UNC79: variants seen among roughly 807,000 people sequenced by gnomAD.
The protein encoded by UNC79 is protein unc-79 homolog.
A neutral mutation model predicts 283.1 loss-of-function variants in UNC79; 37 were observed. That is an observed-to-expected ratio of 0.13 (90% CI 0.10 to 0.17). The LOEUF (loss-of-function observed/expected upper bound fraction) is 0.17, where lower values mean the gene tolerates loss of function less well. Ranked by LOEUF, UNC79 falls within the 10% of genes least tolerant of loss-of-function variation. UNC79 has a pLI of 1.00. For synonymous variants in UNC79, 1,107 were observed against 1,200.2 expected (o/e 0.92, Z 1.61); for missense variants, 2,272 against 3,211.1 (o/e 0.71, Z 7.07).
Position 93,580,119 on chromosome 14 carries a change from T to G in UNC79, c.2434-30T>G. Reference sequence around the variant, plus strand: ...TTCTTCTTTTTTTTTTGTGTGTGTGTGCGTGTGTCCTTTTTTTGATGTCTT... The same window carrying G: ...TTCTTCTTTTTTTTTTGTGTGTGTGGGCGTGTGTCCTTTTTTTGATGTCTT... On this transcript the variant is annotated intron_variant, in intron 18 of 48. Transcript: ENST00000555664. 4 of 1,573,516 alleles carry G rather than the reference T, an allele frequency of 2.5e-6. No individual in the cohort carries two copies. The South Asian group carries it at 4.6e-5, about 18-fold the overall frequency.
In UNC79 at chr14:93,517,919, C is replaced by G. The variant is rs200131800; in HGVS notation, c.899-6059C>G. Among the ~76,000 whole-genome samples the G allele has an allele frequency of 6.1e-4, 90 of 147,688 alleles. No homozygotes were observed. In the East Asian group the frequency reaches 0.013, roughly 22 times the overall value. On this transcript the variant is annotated intron_variant, in intron 7 of 48. Transcript: ENST00000555664. ...TATGTGAGTGTGTGTGTGTGTGTGTCTGTGTGTGTGTGTGTGTGTGTGAAA... is the reference window on the plus strand; with the variant it reads ...TATGTGAGTGTGTGTGTGTGTGTGTGTGTGTGTGTGTGTGTGTGTGTGAAA...
intron 1 of UNC79, among the ~76,000 whole-genome samples, chr14:93,458,873 T>C (rs1460538326): frequency 6.6e-6 from 1 of 152,236 alleles, no homozygotes; most frequent in Non-Finnish European, 1.5e-5. Flanking sequence ...AAACTAGATT[T>C]GCACACATGA....
At chr14:93,550,746 A>C (rs1396873310) in intron 14 of UNC79, among the ~76,000 whole-genome samples, 6 of 152,114 alleles carry the variant, frequency 3.9e-5, no homozygotes, top group Non-Finnish European at 8.8e-5. Context: ...TACTTGTTTC[A>C]CAAAACCCAT....
chr14:93,404,493 A>AAAAAAAATATATATATATATATATATAT, intron 1 of UNC79, among the ~76,000 whole-genome samples: 37 of 61,466 alleles, frequency 6.0e-4, no homozygotes, highest in African/African-American at 1.0e-3. Context: ...TTCTAAAAAA[A>AAAAAAAATATATATATATATATATATAT]ATATATATAT....
intron 5 of UNC79, among the ~76,000 whole-genome samples, chr14:93,492,310 A>T (rs2058765699): frequency 6.6e-6 from 1 of 151,124 alleles, no homozygotes; most frequent in South Asian, 2.1e-4. Context: ...ATCAGAAAAG[A>T]TTTTGCGTCA....
chr14:93,389,823 G>C (rs1286385014), intron 1 of UNC79, among the ~76,000 whole-genome samples: 1 of 151,992 alleles, frequency 6.6e-6, no homozygotes, highest in Non-Finnish European at 1.5e-5. Flanking sequence ...GGCTAATTTT[G>C]TGTATTTTTA....
intron 14 of UNC79, among the ~76,000 whole-genome samples, chr14:93,562,885 A>C (rs2062647566): frequency 6.6e-6 from 1 of 152,166 alleles, no homozygotes. Context: ...AGTCCTGGGC[A>C]GGGGCAAATC....
intron 1 of UNC79, among the ~76,000 whole-genome samples, chr14:93,448,033 A>G (rs972294591): frequency 2.6e-5 from 4 of 152,050 alleles, no homozygotes; most frequent in Non-Finnish European, 5.9e-5. Context: ...CCTGTTACCA[A>G]ATCTGAGGAC....
At chr14:93,334,062 T>C (rs1191044328) in intron 1 of UNC79, among the ~76,000 whole-genome samples, 4 of 152,232 alleles carry the variant, frequency 2.6e-5, no homozygotes, top group Middle Eastern at 3.2e-3. Context: ...GTCACACAGT[T>C]TTTTGTTGTT....
intron 1 of UNC79, among the ~76,000 whole-genome samples, chr14:93,413,221 C>T (rs542591896): frequency 6.9e-6 from 1 of 145,034 alleles, no homozygotes; most frequent in East Asian, 2.1e-4. Context: ...GTTCCCCTTC[C>T]TGTGTCCATG....
chr14:93,365,404 A>AAAT (rs71129632), intron 1 of UNC79, among the ~76,000 whole-genome samples: 49 of 147,924 alleles, frequency 3.3e-4, no homozygotes, highest in Non-Finnish European at 6.1e-4. Context: ...AAAAAAAAAA[A>AAAT]TGTGATCAGA....
Position 93,358,160 on chromosome 14 carries a change from A to G in UNC79, c.-351+24637A>G, listed in dbSNP as rs145531531. On this transcript the variant is annotated intron_variant, in intron 1 of 49. Coordinates refer to the UNC79 transcript ENST00000256339. ...CATAATGGTAAGGATGCTACTTCTA[A>G]TAGTATGGAGAACACTGATAGTCCT... 6.9e-3 allele frequency among the ~76,000 whole-genome samples: 1,052 copies of G among 151,966 alleles called. 9 individuals carry two copies. The highest frequency in any genetic ancestry group is 0.011 in the Non-Finnish European group (762 of 67,980).
chr14:93,441,929 A>G (rs145551363), intron 1 of UNC79, among the ~76,000 whole-genome samples: 1 of 152,268 alleles, frequency 6.6e-6, no homozygotes, highest in East Asian at 1.9e-4. Flanking sequence ...GGGCTTACAG[A>G]ATCAATTATT....
chr14:93,604,836 T>G, intron 26 of UNC79, 60 bp from the exon 27 acceptor site: 1 of 1,477,806 alleles, frequency 6.8e-7, no homozygotes, highest in Non-Finnish European at 9.0e-7. Context: ...ACTGAGTATA[T>G]TTTCTAGGCT....
intron 1 of UNC79, among the ~76,000 whole-genome samples, chr14:93,345,856 A>T (rs1454065110): frequency 6.6e-6 from 1 of 152,014 alleles, no homozygotes; most frequent in Non-Finnish European, 1.5e-5. Flanking sequence ...ATCTAACAGT[A>T]TCCTGGAGGA....
At chr14:93,418,827 A>G (rs1411646474) in intron 1 of UNC79, among the ~76,000 whole-genome samples, 1 of 151,868 alleles carries the variant, frequency 6.6e-6, no homozygotes, top group East Asian at 2.0e-4. Context: ...CCTCCAAGCC[A>G]GGTGCGCAAT....
chr14:93,661,399 T>C (rs1449842232), intron 39 of UNC79, among the ~76,000 whole-genome samples: 1 of 152,234 alleles, frequency 6.6e-6, no homozygotes, highest in Non-Finnish European at 1.5e-5. Flanking sequence ...ATGTGTCCTT[T>C]CCTACATATC....
chr14:93,622,114 C>T (rs757678186), exon 30 of UNC79: 1 of 1,614,102 alleles, frequency 6.2e-7, no homozygotes, highest in Non-Finnish European at 8.5e-7. Flanking sequence ...TCTCAACCTC[C>T]GACAGCGACT....
intron 35 of UNC79, among the ~76,000 whole-genome samples, chr14:93,653,143 A>G (rs899468905): frequency 6.6e-6 from 1 of 151,928 alleles, no homozygotes; most frequent in Admixed American, 6.6e-5. Flanking sequence ...CCTTTCTGGT[A>G]CCTTAGTCTA....
Sources: gnomAD v4.1 joint callset for allele counts (sites outside exome capture counted in the v4.1 genomes callset) on GRCh38, gnomAD v4.1.1 for gene constraint, MANE v1.5 for transcripts, NCBI Gene and HGNC (gene_info 2026-07-23, HGNC 2026-07-21) for gene names.